The following ADAMTSL4 variants were observed in gnomAD, a reference collection of about 807,000 sequenced individuals.
ADAMTSL4 encodes ADAMTS like 4, also known as ADAMTS-like protein 4.
ADAMTSL4 carries 97 observed loss-of-function variants against 122.8 expected under a neutral mutation model. That is an observed-to-expected ratio of 0.79 (90% confidence interval 0.67 to 0.93). The LOEUF is 0.93. Ranked by LOEUF, ADAMTSL4 falls within the 40% of genes least tolerant of loss-of-function variation. The pLI, the probability that ADAMTSL4 is intolerant of heterozygous loss-of-function variation, is 0.00. For missense variants in ADAMTSL4, 1,408 were observed against 1,453.5 expected, an observed-to-expected ratio of 0.97 and a Z score of 0.51; for synonymous variants, 592 against 568.0, an observed-to-expected ratio of 1.04 and a Z score of -0.60.
chr1:150,558,849 C>G, intron 15 of ADAMTSL4, 113 bp from the exon 16 acceptor site: 1 of 1,537,500 alleles, frequency 6.5e-7, no homozygotes, highest in Non-Finnish European at 8.7e-7. Context: ...TACCCGGGGA[C>G]ATTCCCAACC....
At position 150,553,646 on chromosome 1, in the gene ADAMTSL4, C is replaced by T. The variant is rs1224775170; in HGVS notation, c.655C>T (p.Leu219=). ...CCAAACTGAGCTCCCTCCCACAGAA[C>T]TGTCTGTCCACACCCCATCCCCCCA... ...SPQTELPPTE[L]SVHTPSPQAE... Residue 219 remains leucine, a synonymous_variant, in exon 6 of 19, where the codon CTG becomes TTG. Coordinates refer to ENST00000271643, the MANE Select transcript of ADAMTSL4 (RefSeq NM_019032.6). The T allele has an allele frequency of 2.5e-6, 4 of 1,613,760 alleles. No individual in the cohort carries two copies. Among genetic ancestry groups the T allele is most frequent in the African/African-American group, 1.3e-5 (1 of 74,806 alleles).
At chr1:150,557,714 A>C in intron 13 of ADAMTSL4, 91 bp downstream of exon 13, 6 of 1,440,488 alleles carry the variant, frequency 4.2e-6, no homozygotes, top group Non-Finnish European at 5.6e-6. Context: ...ACTCAACGCA[A>C]CATCTCCTGG....
chr1:150,558,860 A>T, intron 15 of ADAMTSL4, 102 bp from the exon 16 acceptor site: 1 of 1,537,778 alleles, frequency 6.5e-7, no homozygotes, highest in African/African-American at 1.4e-5. Context: ...ATTCCCAACC[A>T]CCCAGGATTC....
At position 150,559,487 on chromosome 1, in the gene ADAMTSL4, T is replaced by C. The variant is rs763277625; in HGVS notation, c.2943+21T>C. Reference sequence around the variant, plus strand: ...GCCCAGTGAGTGTCTGGCTGCGCTGTCCTGCCCTGCTCAGCCTGGGCCCCT... The same window carrying C: ...GCCCAGTGAGTGTCTGGCTGCGCTGCCCTGCCCTGCTCAGCCTGGGCCCCT... On this transcript the variant is annotated intron_variant, in intron 17 of 18. Coordinates refer to ENST00000271643, the MANE Select transcript of ADAMTSL4 (RefSeq NM_019032.6). This position sits in a 1 kb window ranked among gnomAD's most constrained non-coding sequence, Gnocchi z 4.1. 1.2e-6 allele frequency: 2 copies of C among 1,612,338 alleles called. No homozygotes were observed.
chr1:150,555,672 TGCAA>T, intron 8 of ADAMTSL4, 107 bp downstream of exon 8: 3 of 1,502,274 alleles, frequency 2.0e-6, no homozygotes, highest in Non-Finnish European at 1.8e-6. Flanking sequence ...CATGCACACA[TGCAA>T]GCACATACAC....
chr1:150,558,241 A>G, intron 14 of ADAMTSL4, 92 bp downstream of exon 14: 1 of 1,586,844 alleles, frequency 6.3e-7, no homozygotes, highest in South Asian at 1.1e-5. Context: ...CATCAGCAGA[A>G]ACTATTTACA....
Position 150,556,678 on chromosome 1 carries a change from CT to C in ADAMTSL4, c.1635del (p.Ser547ProfsTer38), listed in dbSNP as rs1296227338. 2.5e-6 allele frequency: 4 copies of C among 1,613,950 alleles called. No homozygotes were observed. The African/African-American group carries it at 4.0e-5, about 16-fold the overall frequency. On this transcript the variant is annotated frameshift_variant, in exon 10 of 19. Transcript: ENST00000271643. LOFTEE classifies it high-confidence loss of function. The surrounding 1 kb of genome is among the most constrained non-coding windows in gnomAD (Gnocchi z 4.1). Reference sequence around the variant, plus strand: ...AATGGGAACTGGGCTGTGGATCCCCCTGGGTCCTACAGGGCCGGCGGGACCG... The same window carrying C: ...AATGGGAACTGGGCTGTGGATCCCCCGGGTCCTACAGGGCCGGCGGGACCG... ...IINGNWAVDP[P>X]GSYRAGGTVF...
Position 150,558,006 on chromosome 1 carries a change from C to G in ADAMTSL4, c.2239C>G (p.Gln747Glu). The G allele has an allele frequency of 6.2e-7, 1 of 1,612,432 alleles. No homozygotes were observed. The highest frequency in any genetic ancestry group is 8.5e-7 in the Non-Finnish European group (1 of 1,179,800). The change falls in exon 14 of 19, where the codon CAG becomes GAG. Residue 747 changes from glutamine to glutamate, a missense_variant. Transcript: ENST00000271643. ...CTGTGGCCCCGGCACCCAGCACCGC[C>G]AGCTGCAGTGCCGGCAGGAATTTGG... ...RSCGPGTQHRQLQCRQEFGGG... is the reference protein window; with the variant it reads ...RSCGPGTQHRELQCRQEFGGG...
Position 150,559,376 on chromosome 1 carries a change from C to A in ADAMTSL4, c.2853C>A (p.Ser951Arg). Residue 951 changes from serine (S) to arginine (R), a missense_variant, in exon 17 of 19, where the codon AGC becomes AGA. By Grantham distance (110) the Ser-to-Arg change is moderately radical. Coordinates refer to ENST00000271643, the MANE Select transcript of ADAMTSL4 (RefSeq NM_019032.6). This position sits in a 1 kb window ranked among gnomAD's most constrained non-coding sequence, Gnocchi z 4.1. ...CGGAGTTCAACGTGACTTCTCCGAG[C>A]AACTGTTCTCACCTCCCCAGGCCCC... The part of the protein sequence containing the change: ...LGTEFNVTSP[S>R]NCSHLPRPPA... The A allele has an allele frequency of 6.2e-7, 1 of 1,613,876 alleles. No homozygotes were observed. Among genetic ancestry groups the A allele is most frequent in the Non-Finnish European group, 8.5e-7 (1 of 1,180,008 alleles).
At position 150,559,319 on chromosome 1, in the gene ADAMTSL4, T is replaced by C. The variant is rs752244681; in HGVS notation, c.2796T>C (p.Arg932=). Residue 932 remains arginine (R), a synonymous_variant, in exon 17 of 19, where the codon CGT becomes CGC. Transcript: ENST00000271643. This position sits in a 1 kb window ranked among gnomAD's most constrained non-coding sequence, Gnocchi z 4.1. ...CSSECGSGTQ[R]RDIICVSKLG... is the part of the protein sequence containing the mutation. ...CCGAATGTGGCTCTGGCACACAGCG[T>C]AGAGACATCATCTGTGTATCCAAAC... The C allele has an allele frequency of 1.5e-5, 24 of 1,613,900 alleles. No individual in the cohort carries two copies. Among genetic ancestry groups the C allele is most frequent in the East Asian group, 2.2e-5 (1 of 44,890 alleles).
chr1:150,550,612 C>T (rs1384508048), intron 2 of ADAMTSL4: 3 of 393,726 alleles, frequency 7.6e-6, no homozygotes, highest in African/African-American at 2.1e-5. Context: ...CTTCTTCCCT[C>T]AGCTGGAGTA....
rs1161363539 is a variant in ADAMTSL4, at chr1:150,555,479, T to C, written c.1285T>C (p.Phe429Leu). 4 of 1,614,150 alleles carry C rather than the reference T, an allele frequency of 2.5e-6. No homozygotes were observed. Among genetic ancestry groups the C allele is most frequent in the Non-Finnish European group, 2.5e-6 (3 of 1,180,014 alleles). ...GAACTGCCGGCCCCGTGGCTTCCGC[T>C]TCTATGTCCGTCACACTGAAAAGGT... ...ELNCRPRGFR[F>L]YVRHTEKVQD... is the part of the protein sequence containing the mutation. The change falls in exon 8 of 19, where the codon TTC becomes CTC. Residue 429 changes from phenylalanine (F) to leucine (L), a missense_variant. By Grantham distance (22) the Phe-to-Leu change is conservative. Coordinates refer to ENST00000271643, the MANE Select transcript of ADAMTSL4 (RefSeq NM_019032.6).
chr1:150,559,987 G>A lies in ADAMTSL4; in HGVS notation c.3089-73G>A. The stretch of plus-strand genomic sequence containing the variant: ...GAGATGAGAAAGGACCAGTGGGAAT[G>A]GGCAGCACACCCATTCCCAGACGGG... On this transcript the variant is annotated intron_variant, in intron 18 of 18. Coordinates refer to ENST00000271643, the MANE Select transcript of ADAMTSL4 (RefSeq NM_019032.6). The surrounding 1 kb of genome is among the most constrained non-coding windows in gnomAD (Gnocchi z 4.1). 6.2e-7 allele frequency: 1 copy of A among 1,613,906 alleles called. No individual in the cohort carries two copies. Among genetic ancestry groups the A allele is most frequent in the Non-Finnish European group, 8.5e-7 (1 of 1,179,996 alleles).
At chr1:150,558,896 C>T in intron 15 of ADAMTSL4, 66 bp from the exon 16 acceptor site, 1 of 1,546,644 alleles carries the variant, frequency 6.5e-7, no homozygotes, top group East Asian at 2.4e-5. Flanking sequence ...CCCTCCCTGC[C>T]CCCCTACTGT....
At chr1:150,553,374 C>A (rs1324111268) in intron 5 of ADAMTSL4, 52 bp from the exon 6 acceptor site, 2 of 1,608,716 alleles carry the variant, frequency 1.2e-6, no homozygotes, top group Admixed American at 3.3e-5. Context: ...ACTGGGGAAA[C>A]AGGGTCAGAG....
Position 150,553,540 on chromosome 1 carries a change from G to A in ADAMTSL4, c.549G>A (p.Leu183=). The A allele has an allele frequency of 2.5e-6, 4 of 1,613,872 alleles. No homozygotes were observed. Among genetic ancestry groups the A allele is most frequent in the Non-Finnish European group, 3.4e-6 (4 of 1,179,938 alleles). Residue 183 remains leucine (L), a synonymous_variant, in exon 6 of 19, where the codon CTG becomes CTA. Transcript: ENST00000271643. ...RHPRSPPRSE[L]SLISSRGEEA... is the part of the protein sequence containing the mutation. Reference sequence around the variant, plus strand: ...CTCGGAGCCCACCCAGATCTGAGCTGTCCCTGATCTCTTCTAGAGGGGAAG... The same window carrying A: ...CTCGGAGCCCACCCAGATCTGAGCTATCCCTGATCTCTTCTAGAGGGGAAG...
At position 150,555,102 on chromosome 1, in the gene ADAMTSL4, G is replaced by A. The variant is rs868090460; in HGVS notation, c.1235-327G>A. Among the ~76,000 whole-genome samples the A allele has an allele frequency of 3.3e-5, 5 of 151,308 alleles. No homozygotes were observed. The South Asian group carries it at 1.0e-3, about 32-fold the overall frequency. ...CTTCCTGGGTTCAAGCAATTCTCCT[G>A]CCTCAGCCTCCCGAGTAGCTGGGAC... On this transcript the variant is annotated intron_variant, in intron 7 of 18. Transcript: ENST00000271643.
rs888166851 is a variant in ADAMTSL4 at position 150,560,205 on chromosome 1, C to T, written c.*9C>T. ...CCCAGGATCCCTCCTGAAAGGGGTC[C>T]GGGGCACCTTCACGGTTTTCTGTGC... On this transcript the variant is annotated 3_prime_UTR_variant, in exon 19 of 19. Transcript: ENST00000271643. The T allele has an allele frequency of 6.8e-6, 11 of 1,613,680 alleles. No individual in the cohort carries two copies. The highest frequency in any genetic ancestry group is 3.3e-5 in the South Asian group (3 of 91,086).
chr1:150,558,720 C>A (rs1175741505), intron 15 of ADAMTSL4, 71 bp downstream of exon 15: 7 of 1,611,972 alleles, frequency 4.3e-6, no homozygotes, highest in Non-Finnish European at 5.9e-6. Context: ...GCCTTTCCAG[C>A]ATAGCTCAAT....
Sources: allele counts gnomAD v4.1 joint callset (sites outside exome capture counted in the v4.1 genomes callset), GRCh38; gene constraint gnomAD v4.1.1; non-coding constraint Gnocchi (gnomAD v3.1); transcripts MANE v1.5; gene names NCBI Gene and HGNC (gene_info 2026-07-23, HGNC 2026-07-21).